The following ATP13A4 variants were observed in gnomAD, a reference collection of about 807,000 sequenced individuals.
The protein encoded by ATP13A4 is probable cation-transporting ATPase 13A4.
ATP13A4 carries 114 observed loss-of-function variants against 142.5 expected under a neutral mutation model. That is an observed-to-expected ratio of 0.80 (90% CI 0.69 to 0.93). The LOEUF (loss-of-function observed/expected upper bound fraction) is 0.93. ATP13A4 is among the 40% of genes least tolerant of loss of function. The pLI is 0.00. For missense variants in ATP13A4, 1,392 were observed against 1,454.0 expected (o/e 0.96, Z 0.69); for synonymous variants, 488 against 514.8 (o/e 0.95, Z 0.70).
At chr3:193,504,987 G>C (rs1157825728) in intron 2 of ATP13A4, among the ~76,000 whole-genome samples, 1 of 152,048 alleles carries the variant, frequency 6.6e-6, no homozygotes, top group Non-Finnish European at 1.5e-5. Flanking sequence ...TCCAGTGTTG[G>C]TATTATAATT....
At chr3:193,588,757 C>T (rs548523746) in intron 1 of ATP13A4, among the ~76,000 whole-genome samples, 2 of 152,144 alleles carry the variant, frequency 1.3e-5, no homozygotes, top group Non-Finnish European at 2.9e-5. Context: ...TACTACCTCA[C>T]ATTAATGTTT....
intron 1 of ATP13A4, among the ~76,000 whole-genome samples, chr3:193,541,748 G>T (rs1722943385): frequency 6.6e-6 from 1 of 152,144 alleles, no homozygotes; most frequent in South Asian, 2.1e-4. Context: ...CTAGGAGAGG[G>T]CATGTGACAA....
intron 28 of ATP13A4, 71 bp from the exon 29 acceptor site, chr3:193,407,464 A>G: frequency 8.2e-7 from 1 of 1,219,672 alleles, no homozygotes; most frequent in Non-Finnish European, 1.2e-6. Context: ...ACATGTTCAC[A>G]GCATATATTT....
intron 18 of ATP13A4, among the ~76,000 whole-genome samples, chr3:193,446,028 T>G (rs935000739): frequency 6.6e-6 from 1 of 151,314 alleles, no homozygotes; most frequent in Non-Finnish European, 1.5e-5. Context: ...GCAAGGCAAG[T>G]GGTGCATGCC....
intron 8 of ATP13A4, among the ~76,000 whole-genome samples, chr3:193,471,207 T>C (rs1718602818): frequency 1.3e-5 from 2 of 151,820 alleles, no homozygotes; most frequent in South Asian, 4.2e-4. Context: ...TGTGGCAAAG[T>C]AATAAGAAAA....
intron 8 of ATP13A4, among the ~76,000 whole-genome samples, chr3:193,480,147 T>C (rs1250028630): frequency 6.6e-6 from 1 of 152,120 alleles, no homozygotes; most frequent in African/African-American, 2.4e-5. Flanking sequence ...TAAGACTTGA[T>C]ACCATAAAAA....
At chr3:193,560,474 C>CTGGGA (rs1217886515) in intron 2 of ATP13A4, among the ~76,000 whole-genome samples, 1 of 152,142 alleles carries the variant, frequency 6.6e-6, no homozygotes, top group Non-Finnish European at 1.5e-5. Flanking sequence ...TCCCAAAGTG[C>CTGGGA]TGGGATGACA....
intron 1 of ATP13A4, among the ~76,000 whole-genome samples, chr3:193,543,572 GA>G (rs1723060411): frequency 6.6e-6 from 1 of 152,112 alleles, no homozygotes; most frequent in South Asian, 2.1e-4. Flanking sequence ...AACTGGTTAG[GA>G]CAATCATTAA....
At chr3:193,495,571 G>C (rs1720178072) in intron 3 of ATP13A4, among the ~76,000 whole-genome samples, 2 of 152,016 alleles carry the variant, frequency 1.3e-5, no homozygotes, top group Non-Finnish European at 2.9e-5. Flanking sequence ...AATAGATATA[G>C]AAGGAACACA....
intron 17 of ATP13A4, among the ~76,000 whole-genome samples, chr3:193,451,697 A>C (rs992643230): frequency 1.3e-5 from 2 of 152,188 alleles, no homozygotes; most frequent in African/African-American, 4.8e-5. Flanking sequence ...CATGTTCTTA[A>C]AATCCATGTG....
At chr3:193,530,660 C>T (rs192038358) in intron 1 of ATP13A4, among the ~76,000 whole-genome samples, 14 of 152,330 alleles carry the variant, frequency 9.2e-5, no homozygotes, top group Non-Finnish European at 1.5e-4. Context: ...GTCCACACTG[C>T]CGCAGAGTGA....
At chr3:193,434,921 T>A (rs1716176527) in intron 24 of ATP13A4, among the ~76,000 whole-genome samples, 1 of 152,236 alleles carries the variant, frequency 6.6e-6, no homozygotes, top group South Asian at 2.1e-4. Context: ...AAAAGTCAAT[T>A]GCTAAATTTT....
intron 25 of ATP13A4, among the ~76,000 whole-genome samples, chr3:193,422,701 CAGCAAAACCTTTGGGATACAGCAAA>C (rs1715468328): frequency 6.7e-6 from 1 of 149,030 alleles, no homozygotes; most frequent in Admixed American, 7.0e-5. Flanking sequence ...GAAACAAACA[CAGCAAAACCTTTGGGATACAGCAAA>C]AGCAGTACTC....
intron 8 of ATP13A4, among the ~76,000 whole-genome samples, chr3:193,482,314 C>A (rs1264888550): frequency 6.6e-6 from 1 of 151,756 alleles, no homozygotes; most frequent in African/African-American, 2.4e-5. Flanking sequence ...ACATGTAAAC[C>A]CTAAAACTCT....
Position 193,448,312 on chromosome 3 carries a change from G to T in ATP13A4, c.2046C>A (p.Asp682Glu). 6.2e-7 allele frequency: 1 copy of T among 1,613,988 alleles called. No homozygotes were observed. Among genetic ancestry groups the T allele is most frequent in the African/African-American group, 1.3e-5 (1 of 75,018 alleles). The change falls in exon 18 of 30, where the codon GAC becomes GAA. Residue 682 changes from aspartate (D) to glutamate (E), a missense_variant. Physicochemically the swap from Asp to Glu is conservative, Grantham distance 45 (BLOSUM62 2). Coordinates refer to ENST00000342695, the MANE Select transcript of ATP13A4 (RefSeq NM_032279.4). ...AGATCAGCAGCCCCAGAAATATCAG[G>T]TCTGATTCTACCGTCTCCCTGAAAA... is the stretch of plus-strand genomic sequence containing the variant. ...TTLTRETVES[D>E]LIFLGLLILE...
chr3:193,511,443 T>C (rs1316365915), intron 2 of ATP13A4, among the ~76,000 whole-genome samples: 2 of 152,184 alleles, frequency 1.3e-5, no homozygotes, highest in African/African-American at 4.8e-5. Flanking sequence ...CTCGTGTCCG[T>C]TGTCCCAGAG....
At chr3:193,406,444 T>C (rs1714500285) in intron 29 of ATP13A4, among the ~76,000 whole-genome samples, 3 of 152,226 alleles carry the variant, frequency 2.0e-5, no homozygotes, top group Admixed American at 2.0e-4. Flanking sequence ...GATGGAATTC[T>C]GCATCTCACC....
At position 193,448,828 on chromosome 3, in the gene ATP13A4, T is replaced by A. The variant is rs1456419745; in HGVS notation, c.2028-498A>T. ...ATGAAGAGGAAGAGGAAGAGAGTGT[T>A]CATTAAGCAAAAGCTTTGCTTTAAC... is the stretch of plus-strand genomic sequence containing the variant. On this transcript the variant is annotated intron_variant, in intron 17 of 29. Coordinates refer to ENST00000342695, the MANE Select transcript of ATP13A4 (RefSeq NM_032279.4). Among the ~76,000 whole-genome samples the A allele has an allele frequency of 4.6e-5, 7 of 152,274 alleles. No homozygotes were observed. The East Asian group carries it at 1.4e-3, about 29-fold the overall frequency.
intron 1 of ATP13A4, among the ~76,000 whole-genome samples, chr3:193,551,757 C>CA (rs1723582803): frequency 6.6e-6 from 1 of 152,212 alleles, no homozygotes; most frequent in East Asian, 1.9e-4. Flanking sequence ...AGTGCTCTCC[C>CA]AGAGTTTCCT....
Sources: gnomAD v4.1 joint callset for allele counts (sites outside exome capture counted in the v4.1 genomes callset) on GRCh38, gnomAD v4.1.1 for gene constraint, MANE v1.5 for transcripts, NCBI Gene and HGNC (gene_info 2026-07-23, HGNC 2026-07-21) for gene names.